The following CLIC5 variants were observed in gnomAD, a reference collection of about 807,000 sequenced individuals.
CLIC5 encodes chloride intracellular channel protein 5.
In CLIC5, 20 loss-of-function variants were observed where a neutral mutation model predicts 24.7. The ratio of observed to expected loss-of-function variants is 0.81; its 90% CI spans 0.57 to 1.18. CLIC5 has a LOEUF of 1.18. CLIC5 is among the 50% of genes most tolerant of loss of function. CLIC5 has a pLI of 0.00. For missense variants in CLIC5, 341 were observed against 326.1 expected (o/e 1.05, Z -0.35); for synonymous variants, 159 against 135.6 (o/e 1.17, Z -1.20).
the CLIC5 span, among the ~76,000 whole-genome samples, chr6:46,086,653 C>A: frequency 6.6e-6 from 1 of 152,156 alleles, no homozygotes; most frequent in East Asian, 1.9e-4. Flanking sequence ...ACACAGATAG[C>A]AGTTCAATCC....
intron 1 of CLIC5, among the ~76,000 whole-genome samples, chr6:46,063,240 G>A (rs55766431): frequency 0.047 from 7,182 of 152,180 alleles, 272 homozygotes; most frequent in Non-Finnish European, 0.066. Flanking sequence ...GAACCCAAAA[G>A]GGCAATATTC....
intron 1 of CLIC5, among the ~76,000 whole-genome samples, chr6:45,991,341 G>C (rs899109155): frequency 6.6e-6 from 1 of 152,214 alleles, no homozygotes; most frequent in African/African-American, 2.4e-5. Flanking sequence ...AGTTGGCACT[G>C]TACCATAGGC....
intron 1 of CLIC5, among the ~76,000 whole-genome samples, chr6:46,010,034 G>A (rs942932837): frequency 2.6e-5 from 4 of 152,060 alleles, no homozygotes; most frequent in South Asian, 2.1e-4. Context: ...GTTGCCATTG[G>A]TCTGCAGCAA....
chr6:46,026,555 G>C (rs1049097168), intron 1 of CLIC5, among the ~76,000 whole-genome samples: 13 of 152,066 alleles, frequency 8.5e-5, no homozygotes, highest in African/African-American at 2.9e-4. Context: ...CATAAAACTT[G>C]GTTGACAGAA....
rs375291924 is a variant in CLIC5 at position 45,968,292 on chromosome 6, T to C, written c.64-13048A>G. Among the ~76,000 whole-genome samples, 13 of 152,320 alleles carry C rather than the reference T, an allele frequency of 8.5e-5. 1 individual carries two copies. The East Asian group carries it at 1.9e-3, about 23-fold the overall frequency. On this transcript the variant is annotated intron_variant, in intron 1 of 5. Transcript: ENST00000339561. ...AGCATTCACATTTAAGTATGAATTG[T>C]TGGTAACTGCTAAGCACTTATTCCT...
rs1762551577 is a variant in CLIC5 at position 45,903,083 on chromosome 6, T to A, written c.*5A>T. ...TGCAGCGGGGATGGGGCAAAATGGC[T>A]GTGCTCAGGATCGGCTGAGGCGTTT... is the stretch of plus-strand genomic sequence containing the variant. On this transcript the variant is annotated 3_prime_UTR_variant, in exon 6 of 6. Coordinates refer to ENST00000339561, the MANE Select transcript of CLIC5 (RefSeq NM_016929.5). The A allele has an allele frequency of 1.2e-6, 2 of 1,614,070 alleles. No individual in the cohort carries two copies. Among genetic ancestry groups the A allele is most frequent in the South Asian group, 2.2e-5 (2 of 91,084 alleles).
Position 45,973,118 on chromosome 6 carries a change from A to G in CLIC5, c.64-17874T>C, listed in dbSNP as rs1261514475. On this transcript the variant is annotated intron_variant, in intron 1 of 5. Coordinates refer to ENST00000339561, the MANE Select transcript of CLIC5 (RefSeq NM_016929.5). Reference sequence around the variant, plus strand: ...GACTTGGCTTGTCTGTTAGAAGCCAACCAAACCTAGAGTCACTGAGCATGT... The same window carrying G: ...GACTTGGCTTGTCTGTTAGAAGCCAGCCAAACCTAGAGTCACTGAGCATGT... Among the ~76,000 whole-genome samples the G allele has an allele frequency of 2.6e-5, 4 of 152,282 alleles. No homozygotes were observed. The South Asian group carries it at 6.2e-4, about 24-fold the overall frequency.
At chr6:45,891,570 A>T (rs1017262979) in intron 6 of CLIC5, among the ~76,000 whole-genome samples, 3 of 104,148 alleles carry the variant, frequency 2.9e-5, no homozygotes, top group Non-Finnish European at 5.7e-5. Context: ...CGGGAGGCAG[A>T]GGTTCAGTGA....
At chr6:45,994,089 G>A (rs1243951504) in intron 1 of CLIC5, among the ~76,000 whole-genome samples, 1 of 152,084 alleles carries the variant, frequency 6.6e-6, no homozygotes, top group East Asian at 1.9e-4. Context: ...TAAAGGCAGG[G>A]CTCATGGTCA....
chr6:46,108,108 A>G, the CLIC5 span, among the ~76,000 whole-genome samples: 1 of 151,416 alleles, frequency 6.6e-6, no homozygotes, highest in Non-Finnish European at 1.5e-5. Flanking sequence ...AAATTATAAG[A>G]CGTTAAAAAG....
upstream of CLIC5, among the ~76,000 whole-genome samples, chr6:46,081,928 G>A (rs2127480121): frequency 6.6e-6 from 1 of 152,134 alleles, no homozygotes; most frequent in South Asian, 2.1e-4. Flanking sequence ...GCTCCCAAAG[G>A]AGCCTTTTCA....
rs545563396 is a variant in CLIC5, at chr6:45,922,508, A to G, written c.407-8099T>C. On this transcript the variant is annotated intron_variant, in intron 4 of 5. Coordinates refer to ENST00000339561, the MANE Select transcript of CLIC5 (RefSeq NM_016929.5). ...GCGTATGTTCAGAAGTATTAGTACA[A>G]CAACAAAATGCATATTTTTTTTAAA... Among the ~76,000 whole-genome samples the G allele has an allele frequency of 5.3e-5, 8 of 152,344 alleles. No homozygotes were observed. In the East Asian group the frequency reaches 1.5e-3, roughly 29 times the overall value.
intron 1 of CLIC5, among the ~76,000 whole-genome samples, chr6:46,071,627 T>C (rs893695167): frequency 2.0e-5 from 3 of 152,154 alleles, no homozygotes; most frequent in Non-Finnish European, 4.4e-5. Flanking sequence ...ACTTATACAC[T>C]GTTGATTAGA....
In CLIC5 at chr6:45,949,339, C is replaced by T. The variant is rs373031546; in HGVS notation, c.216G>A (p.Pro72=). ...DLHNLAPGTH[P]PFLTFNGDVK... ...CGTCCCCGTTGAAGGTCAGGAAGGG[C>T]GGGTGCGTGCCGGGGGCTAGGTTGT... Residue 72 remains proline, a synonymous_variant, in exon 3 of 6, where the codon CCG becomes CCA. Coordinates refer to ENST00000339561, the MANE Select transcript of CLIC5 (RefSeq NM_016929.5). The T allele has an allele frequency of 1.2e-5, 20 of 1,613,760 alleles. No individual in the cohort carries two copies. Among genetic ancestry groups the T allele is most frequent in the Middle Eastern group, 1.6e-4 (1 of 6,082 alleles).
chr6:45,941,409 T>G (rs907353621), intron 4 of CLIC5, 138 bp downstream of exon 4: 243 of 582,106 alleles, frequency 4.2e-4, no homozygotes, highest in Non-Finnish European at 3.4e-4. Context: ...TGGCGGGGGG[T>G]GGGGGCAAAT....
At chr6:46,078,366 GA>G (rs10708990) in intron 1 of CLIC5, among the ~76,000 whole-genome samples, 43,164 of 147,062 alleles carry the variant, frequency 0.29, 6,749 homozygotes, top group Middle Eastern at 0.38. Context: ...TCTCAAAAAA[GA>G]AAAAAAAAAA....
chr6:45,912,421 A>G (rs1195585613), intron 5 of CLIC5: 3 of 1,139,184 alleles, frequency 2.6e-6, no homozygotes, highest in African/African-American at 3.2e-5. Context: ...ATGAAGCCCA[A>G]GGCTTGGGAG....
At chr6:46,030,618 A>T (rs1443599747) in intron 1 of CLIC5, among the ~76,000 whole-genome samples, 1 of 152,146 alleles carries the variant, frequency 6.6e-6, no homozygotes, top group Non-Finnish European at 1.5e-5. Flanking sequence ...TCTTCCCATC[A>T]GTCCACCTGA....
At position 45,925,304 on chromosome 6, in the gene CLIC5, T is replaced by G. The variant is rs1249678289; in HGVS notation, c.407-10895A>C. Among the ~76,000 whole-genome samples the G allele has an allele frequency of 4.0e-5, 6 of 151,092 alleles. No homozygotes were observed. The East Asian group carries it at 1.2e-3, about 30-fold the overall frequency. ...CATAGGTATTGCCAACATGCCAACATGTCATTATTCCGCTTTTTTTTTTTT... is the reference window on the plus strand; with the variant it reads ...CATAGGTATTGCCAACATGCCAACAGGTCATTATTCCGCTTTTTTTTTTTT... On this transcript the variant is annotated intron_variant, in intron 4 of 5. Transcript: ENST00000339561.
Sources: allele counts gnomAD v4.1 joint callset (sites outside exome capture counted in the v4.1 genomes callset), GRCh38; gene constraint gnomAD v4.1.1; transcripts MANE v1.5; gene names NCBI Gene and HGNC (gene_info 2026-07-23, HGNC 2026-07-21).